Variants in RBFOX1 observed in about 807,000 individuals in gnomAD.
RBFOX1 encodes the protein RNA binding protein fox-1 homolog 1.
In RBFOX1, 8 loss-of-function variants were observed where a neutral mutation model predicts 57.7. That is an observed-to-expected ratio of 0.14 (90% confidence interval 0.08 to 0.25). The LOEUF (loss-of-function observed/expected upper bound fraction) is 0.25, where lower values mean the gene tolerates loss of function less well. RBFOX1 is among the 10% of genes least tolerant of loss of function. RBFOX1 has a pLI of 1.00. For synonymous variants in RBFOX1, 326 were observed against 222.4 expected (o/e 1.47, Z -4.15); for missense variants, 611 against 548.5 (o/e 1.11, Z -1.14).
chr16:6,719,052 A>C (rs1254011507), intron 3 of RBFOX1, among the ~76,000 whole-genome samples: 1 of 152,072 alleles, frequency 6.6e-6, no homozygotes, highest in African/African-American at 2.4e-5. Context: ...TTTTTTGTAC[A>C]GATGAGACTT....
chr16:7,568,922 G>C (rs545821253), intron 5 of RBFOX1, among the ~76,000 whole-genome samples: 51 of 141,420 alleles, frequency 3.6e-4, no homozygotes, highest in African/African-American at 1.1e-3. Context: ...ACTTAAAACT[G>C]TCTGGGAATG....
intron 4 of RBFOX1, among the ~76,000 whole-genome samples, chr16:7,136,814 C>A (rs533727555): frequency 2.0e-5 from 3 of 152,232 alleles, no homozygotes; most frequent in Admixed American, 2.0e-4. Flanking sequence ...TCTGATATGG[C>A]AACAAAAATC....
intron 4 of RBFOX1, among the ~76,000 whole-genome samples, chr16:7,108,264 T>C (rs923394524): frequency 6.6e-6 from 1 of 152,186 alleles, no homozygotes; most frequent in African/African-American, 2.4e-5. Flanking sequence ...GGGGAACTGG[T>C]ATTCAGGGAG....
chr16:6,767,955 A>ATAAT lies in RBFOX1; in HGVS notation c.-16+113305_-16+113306insTAAT, dbSNP rs1491434134. 2.1e-3 allele frequency among the ~76,000 whole-genome samples: 229 copies of ATAAT among 106,918 alleles called. 2 individuals carry two copies. Among genetic ancestry groups the ATAAT allele is most frequent in the South Asian group, 5.7e-3 (20 of 3,480 alleles). 70.1% of individuals were successfully genotyped at this position (106,918 alleles called of 152,430 possible). On this transcript the variant is annotated intron_variant, in intron 3 of 15. Coordinates refer to ENST00000550418, the MANE Select transcript of RBFOX1 (RefSeq NM_018723.4). ...AATAATAATAATAATAATAAGAAGA[A>ATAAT]GAAGAAGAAGAAGAAGAAGAAGAAG...
chr16:5,919,047 G>C (rs1345601201), intron 4 of RBFOX1, among the ~76,000 whole-genome samples: 1 of 152,158 alleles, frequency 6.6e-6, no homozygotes, highest in African/African-American at 2.4e-5. Context: ...ATATATCCAC[G>C]TCTTTCCCAG....
At chr16:6,954,492 A>T (rs972513309) in intron 3 of RBFOX1, among the ~76,000 whole-genome samples, 1 of 152,164 alleles carries the variant, frequency 6.6e-6, no homozygotes, top group African/African-American at 2.4e-5. Flanking sequence ...ATTTTGTTGA[A>T]ACATTTGTTT....
rs377434882 is a variant in RBFOX1, at chr16:6,450,852, T to C, written c.-64+133795T>C. 1.9e-4 allele frequency among the ~76,000 whole-genome samples: 12 copies of C among 64,132 alleles called. 1 individual carries two copies. Among genetic ancestry groups the C allele is most frequent in the South Asian group, 8.6e-4 (2 of 2,334 alleles). The allele number at this position is 64,132 out of a possible 152,430, so 42.1% of individuals were successfully genotyped here. A position where few individuals can be genotyped will look rare whatever the true frequency, so the allele number is the denominator to read the frequency against. ...ATATATATATGTGTATATATATATA[T>C]ATATATATATATATATATATATCTC... On this transcript the variant is annotated intron_variant, in intron 2 of 15. Transcript: ENST00000550418.
chr16:6,626,271 G>C (rs929474242), intron 2 of RBFOX1, among the ~76,000 whole-genome samples: 2 of 151,680 alleles, frequency 1.3e-5, no homozygotes, highest in Non-Finnish European at 2.9e-5. Context: ...TGTCCTTTAA[G>C]TGTTGGCCAT....
intron 1 of RBFOX1, among the ~76,000 whole-genome samples, chr16:6,159,983 A>G (rs908895934): frequency 6.6e-6 from 1 of 152,164 alleles, no homozygotes; most frequent in Admixed American, 6.5e-5. Flanking sequence ...CCTGAGACTT[A>G]CTTAAACCTC....
At chr16:5,700,573 T>A (rs974907258) in intron 3 of RBFOX1, among the ~76,000 whole-genome samples, 5 of 152,184 alleles carry the variant, frequency 3.3e-5, no homozygotes, top group Non-Finnish European at 7.3e-5. Context: ...TGTATCTAGG[T>A]AGACATTTCA....
chr16:7,178,455 AT>A (rs1301819815), intron 4 of RBFOX1, among the ~76,000 whole-genome samples: 4 of 152,184 alleles, frequency 2.6e-5, no homozygotes, highest in East Asian at 3.9e-4. Flanking sequence ...TAAACACTAA[AT>A]TTTTTTTATT....
intron 4 of RBFOX1, among the ~76,000 whole-genome samples, chr16:7,156,766 C>T (rs1270019481): frequency 6.6e-6 from 1 of 152,112 alleles, no homozygotes; most frequent in Non-Finnish European, 1.5e-5. Context: ...TGCTTTTCTA[C>T]TTCAAACACT....
chr16:7,541,773 T>G (rs1204489781), intron 5 of RBFOX1, among the ~76,000 whole-genome samples: 2 of 152,190 alleles, frequency 1.3e-5, no homozygotes, highest in Non-Finnish European at 2.9e-5. Flanking sequence ...GCCTGTCATG[T>G]TTTTTGAGTC....
At chr16:5,345,634 C>T (rs1446582510) in intron 1 of RBFOX1, among the ~76,000 whole-genome samples, 3 of 152,182 alleles carry the variant, frequency 2.0e-5, no homozygotes, top group Non-Finnish European at 2.9e-5. Flanking sequence ...TGGCCGTGCT[C>T]GTTGGGCTTC....
chr16:5,520,461 C>T (rs769014546), intron 2 of RBFOX1, among the ~76,000 whole-genome samples: 5 of 152,192 alleles, frequency 3.3e-5, no homozygotes, highest in Admixed American at 6.5e-5. Flanking sequence ...TCCATGTCAT[C>T]TACATCTGGC....
intron 3 of RBFOX1, among the ~76,000 whole-genome samples, chr16:6,889,155 C>T (rs554720254): frequency 1.3e-5 from 2 of 152,206 alleles, no homozygotes; most frequent in African/African-American, 4.8e-5. Context: ...CTGTAACATT[C>T]AGTAGATCCC....
At chr16:7,231,739 G>A (rs374775393) in intron 4 of RBFOX1, among the ~76,000 whole-genome samples, 2 of 152,182 alleles carry the variant, frequency 1.3e-5, no homozygotes, top group African/African-American at 4.8e-5. Context: ...AGGAGCTACT[G>A]TTACATGCTA....
chr16:5,538,622 T>C (rs1034630527), intron 2 of RBFOX1, among the ~76,000 whole-genome samples: 12 of 145,210 alleles, frequency 8.3e-5, no homozygotes, highest in African/African-American at 2.7e-4. Context: ...ATTTCTTCTT[T>C]TTTTTTTTTT....
chr16:6,584,228 G>A (rs925137248), intron 2 of RBFOX1, among the ~76,000 whole-genome samples: 9 of 151,522 alleles, frequency 5.9e-5, no homozygotes, highest in African/African-American at 1.9e-4. Flanking sequence ...AAGTTTTAGG[G>A]CCCATCAAAG....
Sources: allele counts gnomAD v4.1 joint callset (sites outside exome capture counted in the v4.1 genomes callset), GRCh38; gene constraint gnomAD v4.1.1; transcripts MANE v1.5; gene names NCBI Gene and HGNC (gene_info 2026-07-23, HGNC 2026-07-21).